Variants in DHRS7C observed in about 807,000 individuals in gnomAD.
The protein encoded by DHRS7C is dehydrogenase/reductase SDR family member 7C.
Under a neutral mutation model 29.6 loss-of-function variants are expected in DHRS7C, and 28 were observed. The observed-to-expected ratio is 0.95, with a 90% CI of 0.70 to 1.30. DHRS7C has a LOEUF of 1.30. DHRS7C is among the 50% of genes most tolerant of loss of function. DHRS7C has a pLI of 0.00. For synonymous variants in DHRS7C, 158 were observed against 160.2 expected (o/e 0.99, Z 0.10); for missense variants, 403 against 393.3 (o/e 1.02, Z -0.21).
At chr17:9,778,474 G>A (rs2066375510) in intron 3 of DHRS7C, among the ~76,000 whole-genome samples, 1 of 152,116 alleles carries the variant, frequency 6.6e-6, no homozygotes, top group Non-Finnish European at 1.5e-5. Context: ...CTAGACCCAG[G>A]GTCCTTAGTG....
At position 9,777,187 on chromosome 17, in the gene DHRS7C, A is replaced by G. The variant is rs1241281570; in HGVS notation, c.571+6T>C. The G allele has an allele frequency of 6.2e-7, 1 of 1,610,124 alleles. No homozygotes were observed. The highest frequency in any genetic ancestry group is 8.5e-7 in the Non-Finnish European group (1 of 1,177,254). ...AAGATATCATATTTTTATCTTAGCAACTTACAAGTCGTACGGAACGGGATT... is the reference window on the plus strand; with the variant it reads ...AAGATATCATATTTTTATCTTAGCAGCTTACAAGTCGTACGGAACGGGATT... On this transcript the variant is annotated splice_donor_region_variant and intron_variant, in intron 4 of 5. Coordinates refer to ENST00000571134, the MANE Select transcript of DHRS7C (RefSeq NM_001105571.3).
At chr17:9,784,847 G>A (rs2066414198) in intron 1 of DHRS7C, among the ~76,000 whole-genome samples, 1 of 152,200 alleles carries the variant, frequency 6.6e-6, no homozygotes, top group African/African-American at 2.4e-5. Flanking sequence ...CAATTTTGAA[G>A]CCCTAACAAC....
chr17:9,790,158 G>A (rs2066446836), intron 1 of DHRS7C, among the ~76,000 whole-genome samples: 1 of 152,100 alleles, frequency 6.6e-6, no homozygotes, highest in Non-Finnish European at 1.5e-5. Context: ...AGCACTATGA[G>A]AGTAAGTGCC....
chr17:9,775,427 G>T lies in DHRS7C; in HGVS notation c.571+1766C>A, dbSNP rs2066356611. 6.6e-6 allele frequency among the ~76,000 whole-genome samples: 1 copy of T among 152,156 alleles called. No homozygotes were observed. Among genetic ancestry groups the T allele is most frequent in the African/African-American group, 2.4e-5 (1 of 41,440 alleles). On this transcript the variant is annotated intron_variant, in intron 4 of 5. Coordinates refer to ENST00000571134, the MANE Select transcript of DHRS7C (RefSeq NM_001105571.3). This position sits in a 1 kb window ranked among gnomAD's most constrained non-coding sequence, Gnocchi z 4.2. ...GTGAGCAGCGGTGATGCCAGCCTGG[G>T]GACAATGGGATGTCCAATGCCAGCC...
chr17:9,777,145 C>T (rs1184586783), intron 4 of DHRS7C, 48 bp downstream of exon 4: 2 of 1,504,858 alleles, frequency 1.3e-6, no homozygotes, highest in East Asian at 2.3e-5. Flanking sequence ...TGCCTTATAC[C>T]ATAAGACATA....
In DHRS7C at chr17:9,781,776, G is replaced by A. The variant is rs148686271; in HGVS notation, c.155-182C>T. Among the ~76,000 whole-genome samples, 172 of 152,312 alleles carry A rather than the reference G, an allele frequency of 1.1e-3. 1 individual carries two copies. The highest frequency in any genetic ancestry group is 4.1e-3 in the African/African-American group (171 of 41,582). On this transcript the variant is annotated intron_variant, in intron 1 of 5. Coordinates refer to ENST00000571134, the MANE Select transcript of DHRS7C (RefSeq NM_001105571.3). The stretch of plus-strand genomic sequence containing the variant: ...GGAATTTTTGTCATTTCCAGCCTCT[G>A]CTTAGTTGCTTCCGTGAAAGTGAGC...
At chr17:9,789,099 A>G (rs1490556132) in intron 1 of DHRS7C, among the ~76,000 whole-genome samples, 1 of 152,218 alleles carries the variant, frequency 6.6e-6, no homozygotes, top group Non-Finnish European at 1.5e-5. Context: ...TCTCTCAACG[A>G]TCAGTAAAAC....
chr17:9,787,724 T>G (rs549339797), intron 1 of DHRS7C, among the ~76,000 whole-genome samples: 9 of 152,274 alleles, frequency 5.9e-5, no homozygotes, highest in East Asian at 3.9e-4. Flanking sequence ...TTAATTTTTT[T>G]GGGGACAGGG....
chr17:9,783,451 A>T (rs1280814837), intron 1 of DHRS7C, among the ~76,000 whole-genome samples: 2 of 152,238 alleles, frequency 1.3e-5, no homozygotes, highest in Admixed American at 1.3e-4. Context: ...TACACTTTAT[A>T]TGGCATATTT....
At chr17:9,783,906 A>C (rs1225497170) in intron 1 of DHRS7C, among the ~76,000 whole-genome samples, 1 of 150,978 alleles carries the variant, frequency 6.6e-6, no homozygotes, top group African/African-American at 2.4e-5. Flanking sequence ...ATGCCACTGC[A>C]CTCCAGCCTG....
chr17:9,785,605 G>A (rs2066418819), intron 1 of DHRS7C, among the ~76,000 whole-genome samples: 1 of 152,182 alleles, frequency 6.6e-6, no homozygotes, highest in African/African-American at 2.4e-5. Context: ...CGGGAACCAG[G>A]GGCTAAGGAG....
intron 1 of DHRS7C, 100 bp from the exon 2 acceptor site, chr17:9,781,694 A>G (rs2066394194): frequency 8.5e-7 from 1 of 1,175,966 alleles, no homozygotes; most frequent in Admixed American, 2.0e-5. Context: ...AAAACTCAGA[A>G]GTCTTAGCAC....
chr17:9,782,592 G>T (rs577171387), intron 1 of DHRS7C, among the ~76,000 whole-genome samples: 1 of 152,192 alleles, frequency 6.6e-6, no homozygotes, highest in Non-Finnish European at 1.5e-5. Context: ...GTAACTCCTA[G>T]GTAGGGCAGC....
chr17:9,781,928 C>T (rs2066395541), intron 1 of DHRS7C, among the ~76,000 whole-genome samples: 1 of 152,238 alleles, frequency 6.6e-6, no homozygotes, highest in Non-Finnish European at 1.5e-5. Flanking sequence ...AGAGATATCT[C>T]AATCTAAAGA....
chr17:9,779,724 G>C, intron 3 of DHRS7C, 101 bp downstream of exon 3: 1 of 1,227,306 alleles, frequency 8.1e-7, no homozygotes. Context: ...GAGGGGACTG[G>C]GGAATTCCAT....
At chr17:9,781,081 T>C (rs933623706) in intron 2 of DHRS7C, among the ~76,000 whole-genome samples, 1 of 152,174 alleles carries the variant, frequency 6.6e-6, no homozygotes, top group Admixed American at 6.5e-5. Flanking sequence ...TTGAAATAAG[T>C]GTTCACTTCC....
At chr17:9,788,849 C>T (rs769939043) in intron 1 of DHRS7C, among the ~76,000 whole-genome samples, 1 of 152,196 alleles carries the variant, frequency 6.6e-6, no homozygotes, top group Non-Finnish European at 1.5e-5. Flanking sequence ...TCCAGCATCT[C>T]AAGTTACTGC....
chr17:9,775,736 G>A lies in DHRS7C; in HGVS notation c.571+1457C>T, dbSNP rs1241756649. Among the ~76,000 whole-genome samples the A allele has an allele frequency of 6.6e-6, 1 of 152,190 alleles. No homozygotes were observed. Among genetic ancestry groups the A allele is most frequent in the African/African-American group, 2.4e-5 (1 of 41,452 alleles). ...AAAAGGAAGGTAAAACACTACTAGA[G>A]CGGGTGTTATGGGTTGAATTCTGTT... On this transcript the variant is annotated intron_variant, in intron 4 of 5. Transcript: ENST00000571134. This position sits in a 1 kb window ranked among gnomAD's most constrained non-coding sequence, Gnocchi z 4.2.
chr17:9,778,806 C>A (rs983975511), intron 3 of DHRS7C, among the ~76,000 whole-genome samples: 1 of 152,210 alleles, frequency 6.6e-6, no homozygotes, highest in Non-Finnish European at 1.5e-5. Flanking sequence ...CAGGCTAGAT[C>A]TCAGACCTTG....
Sources: allele counts gnomAD v4.1 joint callset (sites outside exome capture counted in the v4.1 genomes callset), GRCh38; gene constraint gnomAD v4.1.1; non-coding constraint Gnocchi (gnomAD v3.1); transcripts MANE v1.5; gene names NCBI Gene and HGNC (gene_info 2026-07-23, HGNC 2026-07-21).